The following NXPE2 variants were observed in gnomAD, a reference collection of about 807,000 sequenced individuals.
NXPE2 encodes the protein NXPE family member 2.
A neutral mutation model predicts 34.4 loss-of-function variants in NXPE2; 34 were observed. That is an observed-to-expected ratio of 0.99 (90% CI 0.75 to 1.31). The LOEUF is 1.31. Among genes scored for constraint, NXPE2 ranks in the 40% most tolerant of loss-of-function variants. NXPE2 has a pLI of 0.00. For synonymous variants in NXPE2, 235 were observed against 231.3 expected, an observed-to-expected ratio of 1.02 and a Z score of -0.15; for missense variants, 649 against 672.5, an observed-to-expected ratio of 0.97 and a Z score of 0.39.
chr11:114,739,169 A>C, the NXPE2 span, among the ~76,000 whole-genome samples: 1 of 152,202 alleles, frequency 6.6e-6, no homozygotes, highest in South Asian at 2.1e-4. Flanking sequence ...ATAGCTTCTC[A>C]GGTGCCACAG....
the NXPE2 span, among the ~76,000 whole-genome samples, chr11:114,811,106 G>C: frequency 1.1e-4 from 16 of 147,932 alleles, no homozygotes; most frequent in Non-Finnish European, 2.2e-4. Context: ...AACACCGCAT[G>C]TTCTTGCTCA....
chr11:114,658,447 C>T, the NXPE2 span, among the ~76,000 whole-genome samples: 3 of 152,126 alleles, frequency 2.0e-5, no homozygotes, highest in Non-Finnish European at 2.9e-5. Flanking sequence ...CCACTGGGCA[C>T]TCATGAGAAA....
the NXPE2 span, among the ~76,000 whole-genome samples, chr11:114,607,795 T>G: frequency 2.2e-4 from 33 of 151,810 alleles, no homozygotes; most frequent in Non-Finnish European, 2.7e-4. Context: ...CGGTGGAGAA[T>G]AAGTGTTGCC....
the NXPE2 span, among the ~76,000 whole-genome samples, chr11:114,630,306 T>C: frequency 6.6e-6 from 1 of 151,782 alleles, no homozygotes; most frequent in Non-Finnish European, 1.5e-5. Context: ...AACAGCATGG[T>C]ACTGGTACCA....
chr11:114,789,413 T>C, the NXPE2 span, among the ~76,000 whole-genome samples: 3 of 152,178 alleles, frequency 2.0e-5, no homozygotes, highest in African/African-American at 7.2e-5. Flanking sequence ...CCTACAAAAA[T>C]GGTTATTTCC....
At chr11:114,505,120 G>C in the NXPE2 span, among the ~76,000 whole-genome samples, 1 of 151,946 alleles carries the variant, frequency 6.6e-6, no homozygotes, top group Non-Finnish European at 1.5e-5. Context: ...CCAAGCAGAG[G>C]AAACACTCAG....
At chr11:114,729,827 A>T in the NXPE2 span, among the ~76,000 whole-genome samples, 1 of 152,066 alleles carries the variant, frequency 6.6e-6, no homozygotes, top group African/African-American at 2.4e-5. Flanking sequence ...ATTATAGTGC[A>T]AAATATTTTC....
the NXPE2 span, among the ~76,000 whole-genome samples, chr11:114,611,913 T>G: frequency 3.3e-5 from 5 of 151,870 alleles, no homozygotes; most frequent in Non-Finnish European, 7.4e-5. Flanking sequence ...ACCTGCTGGA[T>G]ACTAAATTTT....
chr11:114,482,196 G>T, the NXPE2 span, among the ~76,000 whole-genome samples: 1 of 152,150 alleles, frequency 6.6e-6, no homozygotes, highest in African/African-American at 2.4e-5. Flanking sequence ...CTCTTAAGTA[G>T]TTCACAGCTT....
At chr11:114,695,830 A>AAAACACACACACACACACACACACAC (rs1951239825) in intron 2 of NXPE2, among the ~76,000 whole-genome samples, 3 of 132,536 alleles carry the variant, frequency 2.3e-5, no homozygotes, top group African/African-American at 5.7e-5. Flanking sequence ...GTCTCTACTA[A>AAAACACACACACACACACACACACAC]ACACACACAC....
At chr11:114,724,226 C>T in the NXPE2 span, among the ~76,000 whole-genome samples, 1 of 152,112 alleles carries the variant, frequency 6.6e-6, no homozygotes, top group East Asian at 1.9e-4. Context: ...AATTCCAGGT[C>T]TGTACAATTC....
the NXPE2 span, among the ~76,000 whole-genome samples, chr11:114,657,432 T>C: frequency 6.6e-6 from 1 of 152,218 alleles, no homozygotes; most frequent in African/African-American, 2.4e-5. Flanking sequence ...GCAGTATTAG[T>C]GATATCCAAG....
At chr11:114,744,694 T>C in the NXPE2 span, among the ~76,000 whole-genome samples, 2 of 152,032 alleles carry the variant, frequency 1.3e-5, no homozygotes, top group African/African-American at 4.8e-5. Context: ...CCTGTAATCC[T>C]TGCTACTCAG....
the NXPE2 span, among the ~76,000 whole-genome samples, chr11:114,540,667 C>A: frequency 2.0e-5 from 3 of 151,616 alleles, no homozygotes; most frequent in Non-Finnish European, 2.9e-5. Context: ...AACGAAATGC[C>A]AAAAACAAGT....
At chr11:114,769,881 A>G in the NXPE2 span, among the ~76,000 whole-genome samples, 1 of 152,216 alleles carries the variant, frequency 6.6e-6, no homozygotes, top group Non-Finnish European at 1.5e-5. Context: ...TGATGGGTGC[A>G]GTAAACCACC....
the NXPE2 span, among the ~76,000 whole-genome samples, chr11:114,750,777 A>T: frequency 6.6e-6 from 1 of 152,228 alleles, no homozygotes; most frequent in Non-Finnish European, 1.5e-5. Context: ...CTCTGATATT[A>T]GTTGTCTTGC....
At chr11:114,657,577 G>A in the NXPE2 span, among the ~76,000 whole-genome samples, 72 of 151,722 alleles carry the variant, frequency 4.7e-4, 1 homozygote, top group East Asian at 5.6e-3. Flanking sequence ...ATTTAATGTC[G>A]TATAATAGGA....
At chr11:114,499,401 A>G in the NXPE2 span, among the ~76,000 whole-genome samples, 2 of 151,968 alleles carry the variant, frequency 1.3e-5, no homozygotes, top group Non-Finnish European at 2.9e-5. Flanking sequence ...GTTTTTTGCC[A>G]TTTTTAAAAT....
chr11:114,530,006 T>C, the NXPE2 span: 1 of 625,300 alleles, frequency 1.6e-6, no homozygotes, highest in Non-Finnish European at 2.7e-6. Flanking sequence ...ATAGTGAAAA[T>C]GCAAACTTTG....
Sources: gnomAD v4.1 joint callset for allele counts (sites outside exome capture counted in the v4.1 genomes callset) on GRCh38, gnomAD v4.1.1 for gene constraint, MANE v1.5 for transcripts, NCBI Gene and HGNC (gene_info 2026-07-23, HGNC 2026-07-21) for gene names.